VWC2L: variants seen among roughly 807,000 people sequenced by gnomAD.
VWC2L encodes von Willebrand factor C domain containing 2 like.
In VWC2L, 10 loss-of-function variants were observed where a neutral mutation model predicts 21.6. The observed-to-expected ratio is 0.46, with a 90% CI of 0.29 to 0.78. The LOEUF (loss-of-function observed/expected upper bound fraction) is 0.78, where lower values mean the gene tolerates loss of function less well. Among genes scored for constraint, VWC2L ranks in the 30% least tolerant of loss-of-function variants. The probability of loss-of-function intolerance (pLI) is 0.10; values close to 1 mark genes in which losing one functional copy is unlikely to be tolerated. For synonymous variants in VWC2L, 96 were observed against 94.3 expected, an observed-to-expected ratio of 1.02 and a Z score of -0.10; for missense variants, 209 against 277.1, an observed-to-expected ratio of 0.75 and a Z score of 1.74.
At chr2:214,562,693 G>T (rs552119161) in intron 3 of VWC2L, among the ~76,000 whole-genome samples, 1 of 152,302 alleles carries the variant, frequency 6.6e-6, no homozygotes, top group Non-Finnish European at 1.5e-5. Context: ...GCATGAGATG[G>T]TTGGCATCTC....
chr2:214,421,736 A>C (rs1464646220), intron 2 of VWC2L, among the ~76,000 whole-genome samples: 1 of 152,012 alleles, frequency 6.6e-6, no homozygotes, highest in Non-Finnish European at 1.5e-5. Context: ...ATGACCTGGT[A>C]GTCTCCCTTC....
At chr2:214,414,755 G>C in intron 2 of VWC2L, 172 bp downstream of exon 2, 1 of 703,098 alleles carries the variant, frequency 1.4e-6, no homozygotes, top group Non-Finnish European at 2.3e-6. Flanking sequence ...TGGCCAACTG[G>C]TTTGTTGATC....
chr2:214,462,014 G>A (rs912458708), intron 3 of VWC2L, among the ~76,000 whole-genome samples: 26 of 152,132 alleles, frequency 1.7e-4, no homozygotes, highest in Admixed American at 9.8e-4. Flanking sequence ...AAATGTCATC[G>A]CATTACTGTA....
intron 3 of VWC2L, among the ~76,000 whole-genome samples, chr2:214,467,004 C>T (rs1169510044): frequency 6.6e-6 from 1 of 152,088 alleles, no homozygotes; most frequent in Non-Finnish European, 1.5e-5. Context: ...GAGTGCTGGA[C>T]ATGTTTTCTA....
chr2:214,517,727 G>A (rs1689166996), intron 3 of VWC2L, among the ~76,000 whole-genome samples: 1 of 152,140 alleles, frequency 6.6e-6, no homozygotes. Flanking sequence ...TAGAACACTT[G>A]TAAAATAATG....
intron 3 of VWC2L, among the ~76,000 whole-genome samples, chr2:214,557,761 A>G (rs1287477401): frequency 6.6e-6 from 1 of 152,182 alleles, no homozygotes; most frequent in East Asian, 1.9e-4. Flanking sequence ...TTACTATAGA[A>G]GAGGGCCCTC....
chr2:214,524,558 G>T (rs1158628411), intron 3 of VWC2L, among the ~76,000 whole-genome samples: 1 of 152,146 alleles, frequency 6.6e-6, no homozygotes, highest in Non-Finnish European at 1.5e-5. Flanking sequence ...AACCTATTCT[G>T]CATTCGTTCC....
chr2:214,461,927 G>A (rs992149908), intron 3 of VWC2L, among the ~76,000 whole-genome samples: 3 of 152,172 alleles, frequency 2.0e-5, no homozygotes, highest in Non-Finnish European at 2.9e-5. Flanking sequence ...GGGAAGCCTC[G>A]CCAGTGAACT....
intron 3 of VWC2L, among the ~76,000 whole-genome samples, chr2:214,488,232 T>C (rs1688698208): frequency 6.6e-6 from 1 of 152,194 alleles, no homozygotes; most frequent in Non-Finnish European, 1.5e-5. Context: ...TTTTCTGTAA[T>C]TCTGTTACAA....
At chr2:214,422,257 C>T (rs1430049024) in intron 2 of VWC2L, among the ~76,000 whole-genome samples, 1 of 151,856 alleles carries the variant, frequency 6.6e-6, no homozygotes, top group Non-Finnish European at 1.5e-5. Flanking sequence ...TAATTTATAA[C>T]CTATATAATC....
intron 2 of VWC2L, among the ~76,000 whole-genome samples, chr2:214,434,373 C>T (rs1007136335): frequency 1.3e-5 from 2 of 152,104 alleles, no homozygotes; most frequent in Non-Finnish European, 2.9e-5. Flanking sequence ...TTGGCAACTA[C>T]GGTTTTCTAA....
intron 2 of VWC2L, among the ~76,000 whole-genome samples, chr2:214,415,718 C>T (rs1323619242): frequency 1.3e-5 from 2 of 152,036 alleles, no homozygotes; most frequent in Non-Finnish European, 2.9e-5. Flanking sequence ...ACCAGGTTAG[C>T]GGTTCAAGCC....
intron 3 of VWC2L, among the ~76,000 whole-genome samples, chr2:214,569,944 A>G (rs1195481034): frequency 6.6e-6 from 1 of 151,336 alleles, no homozygotes; most frequent in Non-Finnish European, 1.5e-5. Flanking sequence ...TCCAATTTTT[A>G]TGCACCTTTT....
chr2:214,494,760 T>G (rs1293481456), intron 3 of VWC2L, among the ~76,000 whole-genome samples: 1 of 151,440 alleles, frequency 6.6e-6, no homozygotes, highest in Non-Finnish European at 1.5e-5. Flanking sequence ...AACTGTGTTT[T>G]TTTTATAGCA....
At chr2:214,505,503 A>G (rs1474608601) in intron 3 of VWC2L, among the ~76,000 whole-genome samples, 3 of 151,994 alleles carry the variant, frequency 2.0e-5, no homozygotes, top group Admixed American at 1.3e-4. Flanking sequence ...TTTTCTGATT[A>G]AGAAATACTC....
intron 3 of VWC2L, among the ~76,000 whole-genome samples, chr2:214,493,863 A>G (rs1223852325): frequency 6.6e-6 from 1 of 152,146 alleles, no homozygotes; most frequent in Non-Finnish European, 1.5e-5. Flanking sequence ...ATAAAGAAGC[A>G]AGCAAGTGAA....
chr2:214,542,509 A>G (rs771706269), intron 3 of VWC2L, among the ~76,000 whole-genome samples: 19 of 152,242 alleles, frequency 1.2e-4, no homozygotes, highest in South Asian at 8.3e-4. Context: ...CCACCCTGAC[A>G]TCATTCATAA....
chr2:214,565,235 C>T (rs1690044279), intron 3 of VWC2L, among the ~76,000 whole-genome samples: 1 of 152,090 alleles, frequency 6.6e-6, no homozygotes, highest in African/African-American at 2.4e-5. Context: ...ACTTCAAAAA[C>T]CACTCTACAT....
chr2:214,484,405 A>T (rs558622857), intron 3 of VWC2L, among the ~76,000 whole-genome samples: 27 of 152,262 alleles, frequency 1.8e-4, no homozygotes, highest in Non-Finnish European at 3.1e-4. Context: ...ACCTTGCCTT[A>T]AAAGGAAGGG....
Sources: gnomAD v4.1 joint callset for allele counts (sites outside exome capture counted in the v4.1 genomes callset) on GRCh38, gnomAD v4.1.1 for gene constraint, MANE v1.5 for transcripts, NCBI Gene and HGNC (gene_info 2026-07-23, HGNC 2026-07-21) for gene names.